OLFM3: variants seen among roughly 807,000 people sequenced by gnomAD.
OLFM3 encodes olfactomedin 3.
A neutral mutation model predicts 48.6 loss-of-function variants in OLFM3; 20 were observed. The ratio of observed to expected loss-of-function variants is 0.41; its 90% CI spans 0.29 to 0.60. The LOEUF (loss-of-function observed/expected upper bound fraction) is 0.60, where lower values mean the gene tolerates loss of function less well. Among genes scored for constraint, OLFM3 ranks in the 20% least tolerant of loss-of-function variants. OLFM3 has a pLI of 0.28. For missense variants in OLFM3, 437 were observed against 544.3 expected (o/e 0.80, Z 1.96); for synonymous variants, 222 against 198.1 (o/e 1.12, Z -1.01).
chr1:101,864,230 C>CA (rs201233986), intron 1 of OLFM3, among the ~76,000 whole-genome samples: 1,697 of 151,488 alleles, frequency 0.011, 30 homozygotes, highest in African/African-American at 0.038. Flanking sequence ...ATATTTTATA[C>CA]AAAAAATAAC....
At chr1:101,854,605 T>C (rs542274038) in intron 1 of OLFM3, among the ~76,000 whole-genome samples, 1 of 152,150 alleles carries the variant, frequency 6.6e-6, no homozygotes, top group Admixed American at 6.5e-5. Context: ...AAACGAAGAA[T>C]GCAGAGTGGT....
chr1:101,886,446 CATAAA>C (rs1211599142), intron 1 of OLFM3, among the ~76,000 whole-genome samples: 1 of 151,900 alleles, frequency 6.6e-6, no homozygotes, highest in African/African-American at 2.4e-5. Flanking sequence ...TTTGTATGTA[CATAAA>C]ATAAAGTGGT....
intron 1 of OLFM3, among the ~76,000 whole-genome samples, chr1:101,986,321 T>C (rs1426130620): frequency 6.6e-6 from 1 of 152,050 alleles, no homozygotes; most frequent in Non-Finnish European, 1.5e-5. Context: ...ACCAAAAGTA[T>C]AAGAGCATTT....
intron 1 of OLFM3, among the ~76,000 whole-genome samples, chr1:101,868,144 G>A (rs1656930175): frequency 6.6e-6 from 1 of 152,136 alleles, no homozygotes; most frequent in African/African-American, 2.4e-5. Flanking sequence ...TGTGAGAATG[G>A]ACTAATACAA....
At chr1:101,902,196 G>A (rs1658410226) in intron 1 of OLFM3, among the ~76,000 whole-genome samples, 1 of 152,026 alleles carries the variant, frequency 6.6e-6, no homozygotes, top group South Asian at 2.1e-4. Flanking sequence ...GTGCAAGAAG[G>A]AGGGCATGGT....
intron 1 of OLFM3, among the ~76,000 whole-genome samples, chr1:101,901,476 A>G (rs1174733316): frequency 6.6e-6 from 1 of 152,106 alleles, no homozygotes; most frequent in Non-Finnish European, 1.5e-5. Flanking sequence ...TATAGAGAAT[A>G]AGGCTACAGG....
chr1:101,899,560 G>A (rs1658321919), intron 1 of OLFM3, among the ~76,000 whole-genome samples: 2 of 152,184 alleles, frequency 1.3e-5, no homozygotes, highest in Non-Finnish European at 2.9e-5. Flanking sequence ...AGATAGTGTA[G>A]AAATTGCCTA....
At chr1:101,992,954 G>A (rs748727818) in intron 1 of OLFM3, among the ~76,000 whole-genome samples, 13 of 152,100 alleles carry the variant, frequency 8.5e-5, no homozygotes, top group Non-Finnish European at 1.8e-4. Context: ...TCTGTAGTGT[G>A]AGAAAGTATC....
chr1:101,816,199 T>G (rs1284916628), intron 4 of OLFM3, among the ~76,000 whole-genome samples: 1 of 152,046 alleles, frequency 6.6e-6, no homozygotes, highest in Non-Finnish European at 1.5e-5. Flanking sequence ...TGAATCGAAG[T>G]TGGTTTGAAA....
chr1:101,945,880 G>C (rs1401180450), intron 1 of OLFM3, among the ~76,000 whole-genome samples: 1 of 151,134 alleles, frequency 6.6e-6, no homozygotes, highest in Non-Finnish European at 1.5e-5. Flanking sequence ...TTTTTAAAAA[G>C]AGCATAAATA....
At chr1:101,847,814 A>C (rs1656071690) in intron 1 of OLFM3, among the ~76,000 whole-genome samples, 1 of 152,168 alleles carries the variant, frequency 6.6e-6, no homozygotes, top group South Asian at 2.1e-4. Flanking sequence ...CTGATATGGA[A>C]AGTCTGTATC....
At chr1:101,986,059 G>A (rs113229007) in intron 1 of OLFM3, among the ~76,000 whole-genome samples, 56 of 149,834 alleles carry the variant, frequency 3.7e-4, no homozygotes, top group African/African-American at 1.4e-3. Context: ...TCCGCCTCCC[G>A]GGTTCACGCC....
rs576792701 is a variant in OLFM3 at position 101,941,463 on chromosome 1, T to C, written c.69+55285A>G. 3.2e-4 allele frequency among the ~76,000 whole-genome samples: 49 copies of C among 152,210 alleles called. No individual in the cohort carries two copies. In the South Asian group the frequency reaches 9.7e-3, roughly 30 times the overall value. ...AGGTAGAACTGAGAGATTATAGTTA[T>C]ATTCTTTGCGGAAAATAAGTTCATG... On this transcript the variant is annotated intron_variant, in intron 1 of 5. Coordinates refer to ENST00000370103, the MANE Select transcript of OLFM3 (RefSeq NM_058170.4).
chr1:101,828,714 C>T (rs1655003410), intron 3 of OLFM3, among the ~76,000 whole-genome samples: 1 of 152,302 alleles, frequency 6.6e-6, no homozygotes, highest in South Asian at 2.1e-4. Flanking sequence ...TTTGGCTTTG[C>T]AGAATTCTCA....
At chr1:101,912,289 A>G (rs369665746) in intron 1 of OLFM3, among the ~76,000 whole-genome samples, 1 of 152,214 alleles carries the variant, frequency 6.6e-6, no homozygotes, top group Non-Finnish European at 1.5e-5. Context: ...AAGGAGTTTA[A>G]CACTTTAAAT....
chr1:101,891,449 A>G (rs1657993741), intron 1 of OLFM3, among the ~76,000 whole-genome samples: 1 of 151,958 alleles, frequency 6.6e-6, no homozygotes, highest in African/African-American at 2.4e-5. Context: ...AGCAATAAAA[A>G]TAAAACGTAA....
intron 1 of OLFM3, among the ~76,000 whole-genome samples, chr1:101,885,790 T>C (rs1657731552): frequency 6.6e-6 from 1 of 152,124 alleles, no homozygotes. Context: ...ATGCTATTGG[T>C]ACATCTTCCA....
chr1:101,876,536 T>C (rs952124379), intron 1 of OLFM3, among the ~76,000 whole-genome samples: 1 of 152,036 alleles, frequency 6.6e-6, no homozygotes, highest in Non-Finnish European at 1.5e-5. Context: ...TTAATAGCTC[T>C]AGCTCTGTTT....
chr1:101,828,050 G>GTCTC (rs755584838), intron 3 of OLFM3, among the ~76,000 whole-genome samples: 1 of 134,918 alleles, frequency 7.4e-6, no homozygotes, highest in Non-Finnish European at 1.6e-5. Context: ...CTGTCTGTCT[G>GTCTC]TCTCTCTCTC....
Sources: allele counts gnomAD v4.1 joint callset (sites outside exome capture counted in the v4.1 genomes callset), GRCh38; gene constraint gnomAD v4.1.1; transcripts MANE v1.5; gene names NCBI Gene and HGNC (gene_info 2026-07-23, HGNC 2026-07-21).